CTNNA2: variants seen among roughly 807,000 people sequenced by gnomAD.
CTNNA2 encodes catenin alpha-2.
CTNNA2 carries 42 observed loss-of-function variants against 101.0 expected under a neutral mutation model. That is an observed-to-expected ratio of 0.42 (90% confidence interval 0.32 to 0.54). CTNNA2 has a LOEUF of 0.54. Ranked by LOEUF, CTNNA2 falls within the 20% of genes least tolerant of loss-of-function variation. CTNNA2 has a pLI of 0.14. For synonymous variants in CTNNA2, 450 were observed against 456.4 expected (o/e 0.99, Z 0.18); for missense variants, 871 against 1,223.1 (o/e 0.71, Z 4.29).
At chr2:79,796,344 G>A (rs1353227446) in intron 3 of CTNNA2, among the ~76,000 whole-genome samples, 2 of 148,228 alleles carry the variant, frequency 1.3e-5, no homozygotes, top group African/African-American at 5.1e-5. Context: ...GCCGAGAGCC[G>A]CGATTGCGCC....
chr2:80,163,078 A>G, intron 7 of CTNNA2: 3 of 1,575,678 alleles, frequency 1.9e-6, no homozygotes, highest in Non-Finnish European at 2.6e-6. Context: ...TCATGTTTGA[A>G]ATTCACAAAC....
intron 7 of CTNNA2, among the ~76,000 whole-genome samples, chr2:80,250,182 G>GAA: frequency 7.0e-6 from 1 of 142,124 alleles, no homozygotes; most frequent in African/African-American, 2.6e-5. Context: ...ATGGATGGGG[G>GAA]GAGAGAGAGA....
chr2:79,536,266 A>C (rs987394809), intron 1 of CTNNA2, among the ~76,000 whole-genome samples: 1 of 152,152 alleles, frequency 6.6e-6, no homozygotes, highest in African/African-American at 2.4e-5. Context: ...CATGATCGCT[A>C]TTTGGTTGAT....
intron 8 of CTNNA2, among the ~76,000 whole-genome samples, chr2:80,408,998 G>A (rs980481173): frequency 5.4e-4 from 82 of 152,080 alleles, no homozygotes; most frequent in African/African-American, 2.0e-3. Flanking sequence ...ACAATGTCTA[G>A]GAAAGTTCTC....
intron 18 of CTNNA2, among the ~76,000 whole-genome samples, chr2:80,638,174 A>T (rs1457445779): frequency 6.6e-6 from 1 of 152,148 alleles, no homozygotes; most frequent in Non-Finnish European, 1.5e-5. Context: ...GGCAAAAAGG[A>T]GGCTTAGCTC....
chr2:80,604,419 T>G (rs1697824864), intron 16 of CTNNA2, among the ~76,000 whole-genome samples: 1 of 151,886 alleles, frequency 6.6e-6, no homozygotes, highest in South Asian at 2.1e-4. Context: ...AAGAAGAACA[T>G]ACTACTTAGG....
At chr2:80,543,608 A>G (rs1358812951) in intron 9 of CTNNA2, among the ~76,000 whole-genome samples, 1 of 152,128 alleles carries the variant, frequency 6.6e-6, no homozygotes, top group Non-Finnish European at 1.5e-5. Context: ...AACCCATCTC[A>G]TGTTGCTGAT....
chr2:80,434,977 G>A (rs1233537092), intron 9 of CTNNA2, among the ~76,000 whole-genome samples: 3 of 152,046 alleles, frequency 2.0e-5, no homozygotes, highest in African/African-American at 7.2e-5. Flanking sequence ...TAAGATTATT[G>A]TGTATCAGGG....
chr2:79,818,823 A>T (rs4852530), intron 3 of CTNNA2, among the ~76,000 whole-genome samples: 1,007 of 25,432 alleles, frequency 0.04, 39 homozygotes, highest in East Asian at 0.18. Flanking sequence ...AAATGCAATT[A>T]TATATATATA....
chr2:79,397,351 A>G (rs571889594), intron 4 of CTNNA2, among the ~76,000 whole-genome samples: 18 of 152,088 alleles, frequency 1.2e-4, no homozygotes, highest in Admixed American at 1.1e-3. Flanking sequence ...CCCCTTAATC[A>G]CCTTCTCTTC....
At chr2:79,496,606 A>G (rs191728820) in intron 4 of CTNNA2, among the ~76,000 whole-genome samples, 1 of 151,900 alleles carries the variant, frequency 6.6e-6, no homozygotes, top group East Asian at 1.9e-4. Flanking sequence ...ATTCATATTT[A>G]CCTTTGCATC....
intron 9 of CTNNA2, among the ~76,000 whole-genome samples, chr2:80,501,726 A>G (rs543805464): frequency 6.6e-6 from 1 of 152,290 alleles, no homozygotes; most frequent in African/African-American, 2.4e-5. Flanking sequence ...ATGCGGGGAA[A>G]GCCAAGCAAA....
At position 79,835,679 on chromosome 2, in the gene CTNNA2, T is replaced by TGTTTTTTTGTTTGTTTGTTTG. The variant is rs1172730527; in HGVS notation, c.299-22334_299-22333insGTTTTTTTGTTTGTTTGTTTG. ...TGGCCTCTCTTTGTTTTTTTTTTTT[T>TGTTTTTTTGTTTGTTTGTTTG]TTTTTTTTTTTTTTTTTTTTTTTTG... On this transcript the variant is annotated intron_variant, in intron 3 of 18. Transcript: ENST00000402739. 2.7e-4 allele frequency among the ~76,000 whole-genome samples: 19 copies of TGTTTTTTTGTTTGTTTGTTTG among 70,828 alleles called. 1 individual carries two copies. Among genetic ancestry groups the TGTTTTTTTGTTTGTTTGTTTG allele is most frequent in the African/African-American group, 1.0e-3 (17 of 17,024 alleles). 46.5% of individuals were successfully genotyped at this position (70,828 alleles called of 152,430 possible).
intron 6 of CTNNA2, among the ~76,000 whole-genome samples, chr2:79,895,517 G>A (rs115398745): frequency 7.1e-4 from 108 of 152,118 alleles, no homozygotes; most frequent in African/African-American, 2.3e-3. Flanking sequence ...AATATGAATT[G>A]ACTTTCCGTT....
chr2:80,611,658 C>T (rs920447694), intron 17 of CTNNA2, among the ~76,000 whole-genome samples: 10 of 151,430 alleles, frequency 6.6e-5, no homozygotes, highest in African/African-American at 2.2e-4. Flanking sequence ...AAAATCATTC[C>T]ATGACCTTTA....
chr2:80,467,924 G>C (rs1240494121), intron 9 of CTNNA2, among the ~76,000 whole-genome samples: 2 of 152,120 alleles, frequency 1.3e-5, no homozygotes, highest in Non-Finnish European at 2.9e-5. Flanking sequence ...ATAAATTTCT[G>C]TTGTTTATAA....
At chr2:79,535,612 A>G (rs1673009704) in intron 1 of CTNNA2, among the ~76,000 whole-genome samples, 1 of 152,102 alleles carries the variant, frequency 6.6e-6, no homozygotes, top group Non-Finnish European at 1.5e-5. Context: ...TTATTCTTAT[A>G]TTTGTCCTTA....
intron 1 of CTNNA2, among the ~76,000 whole-genome samples, chr2:79,576,017 T>C (rs1196063059): frequency 1.3e-5 from 2 of 152,246 alleles, no homozygotes; most frequent in African/African-American, 4.8e-5. Context: ...CTTAGGTATC[T>C]GGACTATTTC....
intron 4 of CTNNA2, among the ~76,000 whole-genome samples, chr2:79,390,716 C>T (rs1678162153): frequency 6.6e-6 from 1 of 152,176 alleles, no homozygotes; most frequent in South Asian, 2.1e-4. Context: ...TTTGGTCTAT[C>T]TTCCACGATG....
Sources: gnomAD v4.1 joint callset for allele counts (sites outside exome capture counted in the v4.1 genomes callset) on GRCh38, gnomAD v4.1.1 for gene constraint, MANE v1.5 for transcripts, NCBI Gene and HGNC (gene_info 2026-07-23, HGNC 2026-07-21) for gene names.